Variants in RAD51B observed in about 807,000 individuals in gnomAD.
RAD51B encodes RAD51 paralog B.
RAD51B carries 38 observed loss-of-function variants against 42.2 expected under a neutral mutation model. The ratio of observed to expected loss-of-function variants is 0.90; its 90% CI spans 0.70 to 1.18. The LOEUF is 1.18. Ranked by LOEUF, RAD51B falls within the 50% of genes most tolerant of loss-of-function variation. The pLI is 0.00. For missense variants in RAD51B, 373 were observed against 400.7 expected, an observed-to-expected ratio of 0.93 and a Z score of 0.59; for synonymous variants, 154 against 145.2, an observed-to-expected ratio of 1.06 and a Z score of -0.43.
intron 5 of RAD51B, among the ~76,000 whole-genome samples, chr14:67,874,394 T>G (rs2042655057): frequency 6.6e-6 from 1 of 151,226 alleles, no homozygotes; most frequent in African/African-American, 2.4e-5. Context: ...TTCATAAACT[T>G]TCTTAAAGCG....
intron 7 of RAD51B, among the ~76,000 whole-genome samples, chr14:67,899,200 G>A (rs903656394): frequency 2.5e-4 from 38 of 151,490 alleles, no homozygotes; most frequent in Middle Eastern, 3.4e-3. Context: ...CCGCCACCAC[G>A]CCCGGCTAAT....
At chr14:68,320,839 C>T (rs982312309) in intron 8 of RAD51B, among the ~76,000 whole-genome samples, 5 of 152,190 alleles carry the variant, frequency 3.3e-5, no homozygotes, top group Admixed American at 3.3e-4. Flanking sequence ...TACCAAGTAT[C>T]CCAATAGCAT....
intron 11 of RAD51B, among the ~76,000 whole-genome samples, chr14:68,662,609 A>C (rs1892955396): frequency 6.6e-6 from 1 of 152,170 alleles, no homozygotes; most frequent in African/African-American, 2.4e-5. Context: ...TTCTCAAGAG[A>C]GCCATGAGCT....
At chr14:68,460,896 A>T (rs1469817051) in intron 9 of RAD51B, among the ~76,000 whole-genome samples, 1 of 152,194 alleles carries the variant, frequency 6.6e-6, no homozygotes, top group Non-Finnish European at 1.5e-5. Flanking sequence ...GATAAGTCCT[A>T]AAAATGGATA....
At position 68,577,997 on chromosome 14, in the gene RAD51B, A is replaced by G. The variant is rs78445700; in HGVS notation, c.1037-16488A>G. The stretch of plus-strand genomic sequence containing the variant: ...CATCAGGCAAATTCCTGAAATACTT[A>G]CTGGTCTTCCTGATTCTGTGGTATG... On this transcript the variant is annotated intron_variant, in intron 10 of 10. Transcript: ENST00000487270. Among the ~76,000 whole-genome samples the G allele has an allele frequency of 2.4e-3, 368 of 152,356 alleles. 7 individuals are homozygous for G. The highest frequency in any genetic ancestry group is 8.3e-3 in the African/African-American group (346 of 41,580).
intron 7 of RAD51B, among the ~76,000 whole-genome samples, chr14:68,276,091 G>T (rs2081218704): frequency 6.6e-6 from 1 of 152,104 alleles, no homozygotes; most frequent in Admixed American, 6.5e-5. Flanking sequence ...TGAATCCCTG[G>T]TATAAATACC....
chr14:68,159,314 C>G (rs1046266410), intron 7 of RAD51B, among the ~76,000 whole-genome samples: 2 of 151,298 alleles, frequency 1.3e-5, no homozygotes, highest in Non-Finnish European at 3.0e-5. Context: ...TTTTCATTTG[C>G]AAGGTTCTTT....
intron 7 of RAD51B, among the ~76,000 whole-genome samples, chr14:68,090,053 T>A (rs1452216181): frequency 6.6e-6 from 1 of 152,226 alleles, no homozygotes; most frequent in Non-Finnish European, 1.5e-5. Context: ...TTTTCTGGTT[T>A]TCCAGAGTGG....
intron 7 of RAD51B, among the ~76,000 whole-genome samples, chr14:67,979,186 T>C (rs954527834): frequency 1.3e-5 from 2 of 152,106 alleles, no homozygotes; most frequent in African/African-American, 4.8e-5. Context: ...TCAAGATGAG[T>C]GTAGAAAGTT....
chr14:67,910,897 C>T (rs528509166), intron 7 of RAD51B, among the ~76,000 whole-genome samples: 2 of 151,984 alleles, frequency 1.3e-5, no homozygotes, highest in South Asian at 2.1e-4. Context: ...CTGCAACCTC[C>T]GCCTCCCAGG....
intron 7 of RAD51B, among the ~76,000 whole-genome samples, chr14:68,065,784 T>A (rs1448676013): frequency 6.6e-6 from 1 of 151,936 alleles, no homozygotes; most frequent in Non-Finnish European, 1.5e-5. Flanking sequence ...AGCTGTATCA[T>A]CTCAGCTTGG....
chr14:67,887,391 A>G (rs2043095318), intron 7 of RAD51B, 187 bp downstream of exon 7: 1 of 439,984 alleles, frequency 2.3e-6, no homozygotes, highest in African/African-American at 2.0e-5. Context: ...ATCTGCTGAG[A>G]TTATTTTATT....
intron 8 of RAD51B, among the ~76,000 whole-genome samples, chr14:68,360,582 C>T (rs928949145): frequency 3.3e-5 from 5 of 152,232 alleles, no homozygotes; most frequent in African/African-American, 1.2e-4. Flanking sequence ...AACAACTCTA[C>T]ATCGTATATG....
chr14:68,072,210 T>A (rs867794242), intron 7 of RAD51B, among the ~76,000 whole-genome samples: 1 of 136,878 alleles, frequency 7.3e-6, no homozygotes. Flanking sequence ...TTTCTAGGTT[T>A]TATATATATA....
At chr14:68,111,150 A>G (rs1355847293) in intron 7 of RAD51B, among the ~76,000 whole-genome samples, 2 of 152,080 alleles carry the variant, frequency 1.3e-5, no homozygotes, top group African/African-American at 2.4e-5. Context: ...TTCCACTTGT[A>G]TAATTCACCA....
intron 7 of RAD51B, among the ~76,000 whole-genome samples, chr14:68,023,204 C>G (rs1010727046): frequency 5.3e-5 from 8 of 152,198 alleles, no homozygotes; most frequent in Non-Finnish European, 4.4e-5. Context: ...ATTGACAGCT[C>G]TGTTGCAGGT....
intron 7 of RAD51B, among the ~76,000 whole-genome samples, chr14:67,976,626 AG>A (rs2075000684): frequency 6.6e-6 from 1 of 152,172 alleles, no homozygotes; most frequent in Non-Finnish European, 1.5e-5. Flanking sequence ...AAGAAAACCT[AG>A]GCAATACAAT....
intron 7 of RAD51B, among the ~76,000 whole-genome samples, chr14:68,013,819 T>C (rs956340943): frequency 1.3e-5 from 2 of 152,184 alleles, no homozygotes; most frequent in Non-Finnish European, 2.9e-5. Context: ...CTTAAATAAG[T>C]ACAAAGGTCA....
At chr14:68,637,832 T>C (rs1321336552) in intron 10 of RAD51B, among the ~76,000 whole-genome samples, 1 of 152,126 alleles carries the variant, frequency 6.6e-6, no homozygotes, top group African/African-American at 2.4e-5. Context: ...ACACACACAC[T>C]TGCACACACA....
Sources: gnomAD v4.1 joint callset for allele counts (sites outside exome capture counted in the v4.1 genomes callset) on GRCh38, gnomAD v4.1.1 for gene constraint, MANE v1.5 for transcripts, NCBI Gene and HGNC (gene_info 2026-07-23, HGNC 2026-07-21) for gene names.